The following ANKRD36 variants were observed in gnomAD, a reference collection of about 807,000 sequenced individuals.
ANKRD36 encodes the protein ankyrin repeat domain-containing protein 36A.
ANKRD36 carries 179 observed loss-of-function variants against 278.1 expected under a neutral mutation model. That is an observed-to-expected ratio of 0.64 (90% CI 0.57 to 0.73). The LOEUF is 0.73. Among genes scored for constraint, ANKRD36 ranks in the 30% least tolerant of loss-of-function variants. ANKRD36 has a pLI of 0.00. For synonymous variants in ANKRD36, 320 were observed against 641.1 expected (o/e 0.50, Z 7.57); for missense variants, 1,159 against 1,956.7 (o/e 0.59, Z 7.69).
Position 97,114,018 on chromosome 2 carries a change from G to A in ANKRD36, c.197+82G>A, listed in dbSNP as rs1415781765. ...CCCCTTTCCAGGCTGAGGGCTGCGG[G>A]GCGGATGGTCCGGGGCTCGGGGTTT... is the stretch of plus-strand genomic sequence containing the variant. On this transcript the variant is annotated intron_variant, in intron 1 of 75. Coordinates refer to ENST00000420699, the MANE Select transcript of ANKRD36 (RefSeq NM_001354587.1). The A allele has an allele frequency of 9.7e-6, 15 of 1,548,948 alleles. No individual in the cohort carries two copies. In the South Asian group the frequency reaches 1.4e-4, roughly 15 times the overall value.
rs2058081265 is a variant in ANKRD36, at chr2:97,189,483, G to A, written c.2245+193G>A. On this transcript the variant is annotated intron_variant, in intron 34 of 75. Coordinates refer to ENST00000420699, the MANE Select transcript of ANKRD36 (RefSeq NM_001354587.1). ...GCTGCTGGCTTGGAACGTGATCTTC[G>A]CAGTAAGATTATACACTTCCCCACA... Among the ~76,000 whole-genome samples the A allele has an allele frequency of 4.5e-5, 4 of 88,026 alleles. 1 individual carries two copies. Among genetic ancestry groups the A allele is most frequent in the South Asian group, 2.6e-4 (1 of 3,918 alleles). The allele number at this position is 88,026 out of a possible 152,430, so 57.7% of individuals were successfully genotyped here. A position where few individuals can be genotyped will look rare whatever the true frequency, so the allele number is the denominator to read the frequency against.
chr2:97,259,024 C>A (rs570217781), intron 75 of ANKRD36, among the ~76,000 whole-genome samples: 461 of 143,996 alleles, frequency 3.2e-3, no homozygotes, highest in African/African-American at 0.011. Flanking sequence ...TTGATTGAGT[C>A]CCATAATTGC....
chr2:97,194,050 A>G (rs2059129719), intron 38 of ANKRD36, among the ~76,000 whole-genome samples: 1 of 151,714 alleles, frequency 6.6e-6, no homozygotes, highest in African/African-American at 2.4e-5. Flanking sequence ...TGAGGCTAAT[A>G]TATTATCCTT....
chr2:97,116,156 T>A (rs1038796088), intron 1 of ANKRD36, among the ~76,000 whole-genome samples: 2 of 152,180 alleles, frequency 1.3e-5, no homozygotes, highest in Non-Finnish European at 2.9e-5. Context: ...GATCAGTATG[T>A]TTAAAACTTC....
intron 66 of ANKRD36, among the ~76,000 whole-genome samples, chr2:97,224,437 T>G (rs1366501770): frequency 4.8e-5 from 6 of 125,480 alleles, no homozygotes; most frequent in Non-Finnish European, 1.1e-4. Context: ...TATCGTTTTG[T>G]TTTTTTGTTT....
intron 3 of ANKRD36, among the ~76,000 whole-genome samples, chr2:97,120,664 T>G (rs1037285189): frequency 3.3e-5 from 5 of 152,014 alleles, no homozygotes; most frequent in East Asian, 1.9e-4. Context: ...ATTTTTATTG[T>G]ATTCTTGGGC....
chr2:97,178,499 T>C (rs2055046792), intron 22 of ANKRD36, among the ~76,000 whole-genome samples: 2 of 151,762 alleles, frequency 1.3e-5, no homozygotes, highest in African/African-American at 4.8e-5. Context: ...TATGCAGCCA[T>C]AAAAAATGAT....
intron 68 of ANKRD36, among the ~76,000 whole-genome samples, chr2:97,240,993 T>TG (rs2074265445): frequency 7.0e-6 from 1 of 142,586 alleles, no homozygotes; most frequent in East Asian, 2.1e-4. Flanking sequence ...TTTTTTTTTT[T>TG]TTTTTTTTTT....
At chr2:97,122,777 C>G in intron 3 of ANKRD36, 110 bp from the exon 4 acceptor site, 1 of 1,024,038 alleles carries the variant, frequency 9.8e-7, no homozygotes, top group Non-Finnish European at 1.4e-6. Flanking sequence ...CCTCTTATGA[C>G]CTTTCAATTG....
At chr2:97,123,725 C>A (rs2037616768) in intron 4 of ANKRD36, among the ~76,000 whole-genome samples, 1 of 139,544 alleles carries the variant, frequency 7.2e-6, no homozygotes, top group African/African-American at 2.6e-5. Flanking sequence ...ATTATATATA[C>A]ACACATATGT....
intron 6 of ANKRD36, among the ~76,000 whole-genome samples, chr2:97,136,246 T>C (rs1299543490): frequency 6.7e-6 from 1 of 149,364 alleles, no homozygotes; most frequent in Non-Finnish European, 1.5e-5. Context: ...CTCCAATACA[T>C]GAAGGCATAT....
At chr2:97,262,364 C>G in intron 75 of ANKRD36, 1 of 81,516 alleles carries the variant, frequency 1.2e-5, no homozygotes, top group South Asian at 1.2e-3. Context: ...CAAGCAGGAC[C>G]ACTCACACAT....
intron 6 of ANKRD36, among the ~76,000 whole-genome samples, chr2:97,129,210 C>T (rs567066919): frequency 6.6e-6 from 1 of 152,086 alleles, no homozygotes; most frequent in Non-Finnish European, 1.5e-5. Context: ...GATTTGCATT[C>T]CTCTGATGGC....
At chr2:97,201,210 T>C (rs1399633055) in intron 46 of ANKRD36, among the ~76,000 whole-genome samples, 7 of 151,902 alleles carry the variant, frequency 4.6e-5, no homozygotes, top group African/African-American at 1.2e-4. Context: ...CAGAGATACA[T>C]CTTTTGTTGA....
chr2:97,182,461 G>A (rs2056472000), intron 26 of ANKRD36, among the ~76,000 whole-genome samples: 2 of 147,642 alleles, frequency 1.4e-5, no homozygotes, highest in African/African-American at 4.9e-5. Flanking sequence ...AGAGATATAC[G>A]TTTTGTTGAT....
Position 97,154,733 on chromosome 2 carries a change from G to A in ANKRD36, c.1252G>A (p.Glu418Lys). Residue 418 changes from glutamate (E) to lysine (K), a missense_variant, in exon 15 of 76, where the codon GAA (glutamate) becomes AAA (lysine). By Grantham distance (56) the Glu-to-Lys change is moderately conservative. Transcript: ENST00000420699. ...QPVTKDKFALESENISEPYFT... is the reference protein window; with the variant it reads ...QPVTKDKFALKSENISEPYFT... ...TGTGACAAAGGATAAGTTTGCTTTG[G>A]AATCTGAGGTAGAGTACTCTCTTGT... The A allele has an allele frequency of 1.3e-6, 2 of 1,487,278 alleles. No individual in the cohort carries two copies. The highest frequency in any genetic ancestry group is 1.8e-6 in the Non-Finnish European group (2 of 1,105,994). 92.1% of individuals were successfully genotyped at this position (1,487,278 alleles called of 1,614,324 possible).
Position 97,183,728 on chromosome 2 carries a change from G to C in ANKRD36, c.1939+74G>C, listed in dbSNP as rs574527864. The stretch of plus-strand genomic sequence containing the variant: ...GAACGTCCCACCCCTGAATAGATCA[G>C]TGGGGTGTCATTGAAAATGCACTTT... On this transcript the variant is annotated intron_variant, in intron 28 of 75. Transcript: ENST00000420699. 2.7e-6 allele frequency: 4 copies of C among 1,467,512 alleles called. No homozygotes were observed. In the Admixed American group the frequency reaches 9.5e-5, roughly 35 times the overall value. The allele number at this position is 1,467,512 out of a possible 1,614,324, so 90.9% of individuals were successfully genotyped here.
At chr2:97,176,375 G>A (rs1003173711) in intron 22 of ANKRD36, among the ~76,000 whole-genome samples, 44 of 148,006 alleles carry the variant, frequency 3.0e-4, no homozygotes, top group African/African-American at 1.0e-3. Context: ...TTACCATTAT[G>A]TAATGGCCTT....
intron 67 of ANKRD36, among the ~76,000 whole-genome samples, chr2:97,230,150 C>T (rs1246245973): frequency 6.6e-6 from 1 of 152,014 alleles, no homozygotes; most frequent in Non-Finnish European, 1.5e-5. Context: ...ATCTTTGTGG[C>T]GTTGTCTGTA....
Sources: gnomAD v4.1 joint callset for allele counts (sites outside exome capture counted in the v4.1 genomes callset) on GRCh38, gnomAD v4.1.1 for gene constraint, MANE v1.5 for transcripts, NCBI Gene and HGNC (gene_info 2026-07-23, HGNC 2026-07-21) for gene names.